ADH1A: variants seen among roughly 807,000 people sequenced by gnomAD.
The protein encoded by ADH1A is alcohol dehydrogenase 1A (class I), alpha polypeptide.
ADH1A carries 29 observed loss-of-function variants against 35.2 expected under a neutral mutation model. The ratio of observed to expected loss-of-function variants is 0.82; its 90% CI spans 0.61 to 1.12. The LOEUF (loss-of-function observed/expected upper bound fraction) is 1.12. ADH1A is among the 50% of genes most tolerant of loss of function. The pLI is 0.00. For missense variants in ADH1A, 469 were observed against 464.7 expected (o/e 1.01, Z -0.09); for synonymous variants, 147 against 164.8 (o/e 0.89, Z 0.83).
intron 8 of ADH1A, among the ~76,000 whole-genome samples, chr4:99,278,266 G>A (rs1732914895): frequency 6.6e-6 from 1 of 152,038 alleles, no homozygotes; most frequent in African/African-American, 2.4e-5. Flanking sequence ...TGATGACAAT[G>A]ATAACTAACC....
chr4:99,277,240 C>G (rs766187232), intron 8 of ADH1A, among the ~76,000 whole-genome samples: 7 of 151,880 alleles, frequency 4.6e-5, no homozygotes, highest in Non-Finnish European at 8.8e-5. Flanking sequence ...AAGTTAAAAC[C>G]ATGCTGGAAG....
intron 3 of ADH1A, among the ~76,000 whole-genome samples, chr4:99,285,409 A>G (rs1461228289): frequency 6.6e-6 from 1 of 152,214 alleles, no homozygotes; most frequent in Non-Finnish European, 1.5e-5. Flanking sequence ...ACCCTCCACA[A>G]TAAGTTAGGC....
rs1204779498 is a variant in ADH1A, at chr4:99,290,926, C to G, written c.-12G>C. ...CCTGCTGTGCTCATGTTGATTCTGT[C>G]TTCTCTGCAGACCAGGAGACTGGTG... is the stretch of plus-strand genomic sequence containing the variant. On this transcript the variant is annotated 5_prime_UTR_variant, in exon 1 of 9. Transcript: ENST00000209668. The G allele has an allele frequency of 6.2e-7, 1 of 1,613,890 alleles. No individual in the cohort carries two copies. The highest frequency in any genetic ancestry group is 1.1e-5 in the South Asian group (1 of 91,084).
chr4:99,288,266 G>C (rs770088430), intron 1 of ADH1A, among the ~76,000 whole-genome samples: 1 of 151,964 alleles, frequency 6.6e-6, no homozygotes, highest in African/African-American at 2.4e-5. Context: ...AGGCTGTACT[G>C]TTATCTGATC....
At chr4:99,280,000 A>C (rs1307912081) in intron 7 of ADH1A, 144 bp downstream of exon 7, 1 of 1,205,500 alleles carries the variant, frequency 8.3e-7, no homozygotes. Flanking sequence ...CATTAGTTCC[A>C]TATCTAGTTG....
chr4:99,286,732 C>A, intron 3 of ADH1A, 118 bp downstream of exon 3: 2 of 1,511,356 alleles, frequency 1.3e-6, no homozygotes, highest in Non-Finnish European at 1.8e-6. Context: ...CCCTGAAGTC[C>A]TGGCTGCGCG....
chr4:99,287,745 T>C (rs1209941433), intron 1 of ADH1A, 80 bp from the exon 2 acceptor site: 2 of 1,480,688 alleles, frequency 1.4e-6, no homozygotes, highest in South Asian at 2.3e-5. Context: ...TCTTTGTACA[T>C]ACAACATCTA....
In ADH1A at chr4:99,276,643, C is replaced by A; in HGVS notation, c.1109G>T (p.Arg370Leu). 6.2e-7 allele frequency: 1 copy of A among 1,612,086 alleles called. No individual in the cohort carries two copies. The highest frequency in any genetic ancestry group is 8.5e-7 in the Non-Finnish European group (1 of 1,178,324). Reference sequence around the variant, plus strand: ...ATTGTCTCAAAACATCAGAATGGTACGGATACTGCAATAGGAAAGAAGAGA... The same window carrying A: ...ATTGTCTCAAAACATCAGAATGGTAAGGATACTGCAATAGGAAAGAAGAGA... ...FDLLHSGKSI[R>L]TILMF is the part of the protein sequence containing the mutation. Residue 370 changes from arginine to leucine, a missense_variant, in exon 9 of 9, where the codon CGT (arginine) becomes CTT (leucine). Physicochemically the swap from Arg to Leu is moderately radical, Grantham distance 102 (BLOSUM62 -2). Transcript: ENST00000209668.
chr4:99,288,657 A>G (rs1560519769), intron 1 of ADH1A: 2 of 152,144 alleles, frequency 1.3e-5, no homozygotes, highest in African/African-American at 4.8e-5. Context: ...AAATTATTCA[A>G]CTTTGCAGGA....
chr4:99,287,271 TAGA>T (rs1196606106), intron 2 of ADH1A, among the ~76,000 whole-genome samples: 2 of 152,152 alleles, frequency 1.3e-5, no homozygotes, highest in African/African-American at 4.8e-5. Flanking sequence ...CTTTAAAAAA[TAGA>T]AGTAGAAGTT....
At chr4:99,287,952 T>C (rs935906837) in intron 1 of ADH1A, among the ~76,000 whole-genome samples, 1 of 152,218 alleles carries the variant, frequency 6.6e-6, no homozygotes, top group Non-Finnish European at 1.5e-5. Context: ...AGTTGTTTAA[T>C]CCTGACATTT....
At chr4:99,286,674 A>G in intron 3 of ADH1A, 176 bp downstream of exon 3, 2 of 1,066,736 alleles carry the variant, frequency 1.9e-6, no homozygotes, top group African/African-American at 1.6e-5. Context: ...ATGCGTGCCT[A>G]AAGACATACA....
At chr4:99,284,865 A>G (rs1733108067) in intron 3 of ADH1A, 62 bp from the exon 4 acceptor site, 3 of 1,417,332 alleles carry the variant, frequency 2.1e-6, no homozygotes, top group Non-Finnish European at 2.0e-6. Flanking sequence ...GAGCAAAAAC[A>G]TAAAGCTCAC....
At chr4:99,289,693 A>G (rs1259362557) in intron 1 of ADH1A, among the ~76,000 whole-genome samples, 4 of 152,174 alleles carry the variant, frequency 2.6e-5, no homozygotes, top group African/African-American at 9.6e-5. Context: ...ACAACAAACT[A>G]AGTTATTGAT....
chr4:99,282,504 C>G lies in ADH1A; in HGVS notation c.670G>C (p.Asp224His). ...AAGAARIIAV[D>H]INKDKFAKAK... is the part of the protein sequence containing the mutation. ...TTTGCAAATTTGTCCTTGTTGATGT[C>G]CACCGCAATGATTCTGGCTGCCCCA... Residue 224 changes from aspartate to histidine, a missense_variant, in exon 6 of 9, where the codon GAC (aspartate) becomes CAC (histidine). Transcript: ENST00000209668. 6.2e-7 allele frequency: 1 copy of G among 1,614,182 alleles called. No individual in the cohort carries two copies. Among genetic ancestry groups the G allele is most frequent in the Non-Finnish European group, 8.5e-7 (1 of 1,180,038 alleles).
chr4:99,285,990 C>G (rs1026136532), intron 3 of ADH1A, among the ~76,000 whole-genome samples: 1 of 142,050 alleles, frequency 7.0e-6, no homozygotes, highest in Admixed American at 7.4e-5. Context: ...CCACTGCACT[C>G]CAGCCTGGGC....
At position 99,286,896 on chromosome 4, in the gene ADH1A, G is replaced by A. The variant is rs367795983; in HGVS notation, c.213C>T (p.Ala71=). ...PLPVILGHEA[A]GIVESVGEGV... ...CTTCTCCAACACTCTCCACGATGCC[G>A]GCTGCCTCATGGCCTAAAATCACAG... The change falls in exon 3 of 9, where the codon GCC becomes GCT. Residue 71 remains alanine, a synonymous_variant. Transcript: ENST00000209668. 40 of 1,613,990 alleles carry A rather than the reference G, an allele frequency of 2.5e-5. No individual in the cohort carries two copies. The highest frequency in any genetic ancestry group is 6.7e-5 in the African/African-American group (5 of 74,902).
chr4:99,280,192 G>T lies in ADH1A; in HGVS notation c.916C>A (p.Pro306Thr). Residue 306 changes from proline to threonine, a missense_variant, in exon 7 of 9, where the codon CCT becomes ACT. Coordinates refer to ENST00000209668, the MANE Select transcript of ADH1A (RefSeq NM_000667.4). ...PPDSQNLSMN[P>T]MLLLTGRTWK... The stretch of plus-strand genomic sequence containing the variant: ...GTACGTCCAGTCAGTAGCAGCATAG[G>T]GTTCATTGAGAGGTTTTGGGAATCA... 2 of 1,613,786 alleles carry T rather than the reference G, an allele frequency of 1.2e-6. No individual in the cohort carries two copies. Among genetic ancestry groups the T allele is most frequent in the Non-Finnish European group, 1.7e-6 (2 of 1,179,852 alleles).
At chr4:99,288,691 T>C (rs1449040225) in intron 1 of ADH1A, 3 of 152,350 alleles carry the variant, frequency 2.0e-5, no homozygotes, top group African/African-American at 7.2e-5. Flanking sequence ...CAATGCCAAA[T>C]AAATATCAGA....
Sources: allele counts gnomAD v4.1 joint callset (sites outside exome capture counted in the v4.1 genomes callset), GRCh38; gene constraint gnomAD v4.1.1; transcripts MANE v1.5; gene names NCBI Gene and HGNC (gene_info 2026-07-23, HGNC 2026-07-21).